Variants in MRPL33 observed in about 807,000 individuals in gnomAD.
MRPL33 encodes mitochondrial ribosomal protein L33.
Under a neutral mutation model 10.1 loss-of-function variants are expected in MRPL33, and 5 were observed. The ratio of observed to expected loss-of-function variants is 0.49; its 90% CI spans 0.26 to 1.04. The LOEUF (loss-of-function observed/expected upper bound fraction) is 1.04. MRPL33 is among the 50% of genes least tolerant of loss of function. The probability of loss-of-function intolerance (pLI) is 0.14; values close to 1 mark genes in which losing one functional copy is unlikely to be tolerated. For missense variants in MRPL33, 79 were observed against 78.1 expected (o/e 1.01, Z -0.04); for synonymous variants, 24 against 27.7 (o/e 0.87, Z 0.42).
rs772996665 is a variant in MRPL33 at position 27,772,653 on chromosome 2, C to T, written c.23-21C>T. ...TTTATATTTTTATTTTCTTTTCCAACCCTTCCTGTCTACAAAAAAGTTGCC... is the reference window on the plus strand; with the variant it reads ...TTTATATTTTTATTTTCTTTTCCAATCCTTCCTGTCTACAAAAAAGTTGCC... On this transcript the variant is annotated intron_variant, in intron 1 of 3. Coordinates refer to ENST00000296102, the MANE Select transcript of MRPL33 (RefSeq NM_004891.4). 1.9e-5 allele frequency: 30 copies of T among 1,582,612 alleles called. No individual in the cohort carries two copies. In the East Asian group the frequency reaches 5.8e-4, roughly 31 times the overall value.
rs1019751239 is a variant in MRPL33, at chr2:27,774,364, T to G, written c.42-60T>G. ...GAGTTCTCAAAATGTGCCATCCCCC[T>G]GTGACTGATTTTAGTTTATTTCGTC... On this transcript the variant is annotated intron_variant, in intron 2 of 3. Transcript: ENST00000296102. 5.1e-6 allele frequency: 7 copies of G among 1,367,470 alleles called. No individual in the cohort carries two copies. The Admixed American group carries it at 1.2e-4, about 23-fold the overall frequency. The allele number at this position is 1,367,470 out of a possible 1,614,324, so 84.7% of individuals were successfully genotyped here. A position where few individuals can be genotyped will look rare whatever the true frequency, so the allele number is the denominator to read the frequency against.
chr2:27,778,796 T>C (rs1375363090), intron 3 of MRPL33, among the ~76,000 whole-genome samples: 1 of 152,182 alleles, frequency 6.6e-6, no homozygotes, highest in African/African-American at 2.4e-5. Context: ...TCAGGTGATA[T>C]GACCACCTCG....
intron 3 of MRPL33, among the ~76,000 whole-genome samples, chr2:27,775,687 G>T (rs571980485): frequency 6.6e-6 from 1 of 152,130 alleles, no homozygotes; most frequent in Non-Finnish European, 1.5e-5. Context: ...ATAATAACAT[G>T]AGCAGACATT....
intron 2 of MRPL33, among the ~76,000 whole-genome samples, chr2:27,773,995 AT>A (rs1436081583): frequency 2.0e-5 from 3 of 152,134 alleles, no homozygotes; most frequent in African/African-American, 7.2e-5. Context: ...TAGTCTCTTT[AT>A]TTTGTCCCTT....
intron 3 of MRPL33, among the ~76,000 whole-genome samples, chr2:27,776,152 G>A (rs916797317): frequency 6.6e-6 from 1 of 152,242 alleles, no homozygotes; most frequent in African/African-American, 2.4e-5. Context: ...ATAGTTCAAA[G>A]TGGGAGAAAA....
chr2:27,777,170 G>A (rs1677192246), intron 3 of MRPL33, among the ~76,000 whole-genome samples: 1 of 152,162 alleles, frequency 6.6e-6, no homozygotes, highest in Non-Finnish European at 1.5e-5. Flanking sequence ...CTGAGCCATT[G>A]TGCTTAGCCC....
Position 27,771,979 on chromosome 2 carries a change from G to C in MRPL33, c.22+180G>C, listed in dbSNP as rs1677057963. On this transcript the variant is annotated intron_variant, in intron 1 of 3. Transcript: ENST00000296102. ...TGCCCCGCGGCGCGCCTCCCTGCGC[G>C]GACCTGTGGGTGCCTGAGAAGGGGT... The C allele has an allele frequency of 6.8e-5, 44 of 644,636 alleles. 1 individual carries two copies. The South Asian group carries it at 8.2e-4, about 12-fold the overall frequency. The allele number at this position is 644,636 out of a possible 1,614,324, so 39.9% of individuals were successfully genotyped here.
chr2:27,773,001 C>T (rs1019162804), intron 2 of MRPL33: 2 of 326,008 alleles, frequency 6.1e-6, no homozygotes, highest in African/African-American at 4.3e-5. Flanking sequence ...TGTATTTGGA[C>T]TACCACCATA....
At chr2:27,774,964 TAAG>T (rs1251084011) in intron 3 of MRPL33, among the ~76,000 whole-genome samples, 2 of 152,196 alleles carry the variant, frequency 1.3e-5, no homozygotes, top group Non-Finnish European at 2.9e-5. Flanking sequence ...ACAAGTGTCT[TAAG>T]AAGGGGACGG....
At chr2:27,777,322 TG>T (rs1244291694) in intron 3 of MRPL33, among the ~76,000 whole-genome samples, 2 of 151,764 alleles carry the variant, frequency 1.3e-5, no homozygotes, top group Admixed American at 1.3e-4. Context: ...CCACCATTCC[TG>T]GCCAAGTCCC....
intron 2 of MRPL33, 69 bp from the exon 3 acceptor site, chr2:27,774,355 C>T (rs1004805906): frequency 2.4e-6 from 3 of 1,251,844 alleles, no homozygotes; most frequent in African/African-American, 3.0e-5. Context: ...TCAAAATGTG[C>T]CATCCCCCTG....
chr2:27,775,583 C>G (rs577710096), intron 3 of MRPL33, among the ~76,000 whole-genome samples: 22 of 152,050 alleles, frequency 1.4e-4, no homozygotes, highest in Admixed American at 5.2e-4. Context: ...AACTCCTGAC[C>G]TCAGGTGATC....
intron 3 of MRPL33, 53 bp downstream of exon 3, chr2:27,774,583 T>C: frequency 7.3e-7 from 1 of 1,366,194 alleles, no homozygotes; most frequent in South Asian, 1.2e-5. Context: ...CTTTGTAGGC[T>C]GAACATCTGA....
At chr2:27,779,383 C>A in intron 3 of MRPL33, 50 bp from the exon 4 acceptor site, 3 of 1,555,638 alleles carry the variant, frequency 1.9e-6, no homozygotes, top group Non-Finnish European at 1.7e-6. Context: ...ATAAAAATGG[C>A]GATGATACTT....
rs751811873 is a variant in MRPL33 at position 27,774,468 on chromosome 2, G to C, written c.86G>C (p.Cys29Ser). The stretch of plus-strand genomic sequence containing the variant: ...GTGAGCGAAGCTGGGACAGGTTTCT[G>C]CTTCAACACCAAGAGAAACCGACTG... ...RMVSEAGTGF[C>S]FNTKRNRLRE... The change falls in exon 3 of 4, where the codon TGC becomes TCC. Residue 29 changes from cysteine to serine, a missense_variant. Transcript: ENST00000296102. 3 of 1,614,150 alleles carry C rather than the reference G, an allele frequency of 1.9e-6. No homozygotes were observed. Among genetic ancestry groups the C allele is most frequent in the Non-Finnish European group, 2.5e-6 (3 of 1,180,002 alleles).
chr2:27,776,297 C>T (rs1290598905), intron 3 of MRPL33, among the ~76,000 whole-genome samples: 2 of 152,278 alleles, frequency 1.3e-5, no homozygotes, highest in African/African-American at 2.4e-5. Context: ...TTCTGCCCAC[C>T]TGCTGAATGC....
intron 1 of MRPL33, 66 bp downstream of exon 1, chr2:27,771,865 C>G: frequency 6.6e-6 from 10 of 1,513,248 alleles, no homozygotes; most frequent in Non-Finnish European, 9.1e-6. Context: ...CAGGCAGGGC[C>G]CCGGAATGAT....
intron 3 of MRPL33, among the ~76,000 whole-genome samples, chr2:27,776,584 A>G (rs1391036795): frequency 6.6e-6 from 1 of 152,280 alleles, no homozygotes; most frequent in Non-Finnish European, 1.5e-5. Context: ...ACTAGATGCT[A>G]ATTTCCGAAG....
intron 3 of MRPL33, among the ~76,000 whole-genome samples, chr2:27,776,745 G>A (rs1386734643): frequency 6.6e-6 from 1 of 152,228 alleles, no homozygotes; most frequent in Non-Finnish European, 1.5e-5. Context: ...ATCGATTTTG[G>A]TTAGATGTAG....
Sources: gnomAD v4.1 joint callset for allele counts (sites outside exome capture counted in the v4.1 genomes callset) on GRCh38, gnomAD v4.1.1 for gene constraint, MANE v1.5 for transcripts, NCBI Gene and HGNC (gene_info 2026-07-23, HGNC 2026-07-21) for gene names.